LRRC74B: variants seen among roughly 807,000 people sequenced by gnomAD.
The protein encoded by LRRC74B is leucine rich repeat containing 74B, also known as leucine-rich repeat-containing protein 74B.
In LRRC74B, 30 loss-of-function variants were observed where a neutral mutation model predicts 16.6. That is an observed-to-expected ratio of 1.80 (90% confidence interval 1.35 to 2.45). LRRC74B has a LOEUF of 2.45. LRRC74B is among the 30% of genes most tolerant of loss of function. The pLI is 0.00. For synonymous variants in LRRC74B, 134 were observed against 86.0 expected (o/e 1.56, Z -3.09); for missense variants, 326 against 202.4 (o/e 1.61, Z -3.71).
exon 1 of LRRC74B, chr22:21,046,074 G>A (rs1235070059): frequency 3.1e-5 from 22 of 717,322 alleles, no homozygotes; most frequent in Non-Finnish European, 5.5e-5. Flanking sequence ...AGGGGTCCCC[G>A]AGGCCGAGCA....
At chr22:21,057,345 T>C (rs1379138492) in intron 8 of LRRC74B, 145 bp downstream of exon 8, 1 of 614,292 alleles carries the variant, frequency 1.6e-6, no homozygotes, top group Non-Finnish European at 2.9e-6. Flanking sequence ...GCAACGGGAC[T>C]TGAATGCAGG....
chr22:21,048,850 T>C (rs1929713459), intron 3 of LRRC74B, 101 bp from the exon 4 acceptor site: 1 of 656,268 alleles, frequency 1.5e-6, no homozygotes, highest in Non-Finnish European at 2.8e-6. Flanking sequence ...AACCTGTAAG[T>C]CCCCTTCCTC....
intron 4 of LRRC74B, among the ~76,000 whole-genome samples, chr22:21,051,661 C>A (rs911697349): frequency 6.6e-6 from 1 of 152,218 alleles, no homozygotes; most frequent in African/African-American, 2.4e-5. Flanking sequence ...CTTCCTAAGG[C>A]CCTCCCTGAC....
At chr22:21,058,535 A>G (rs1216411438) in intron 8 of LRRC74B, among the ~76,000 whole-genome samples, 6 of 152,006 alleles carry the variant, frequency 3.9e-5, no homozygotes, top group African/African-American at 1.2e-4. Flanking sequence ...GAAGGAAACA[A>G]AAAAAATTGA....
intron 4 of LRRC74B, among the ~76,000 whole-genome samples, chr22:21,049,879 C>T (rs751657033): frequency 1.3e-5 from 2 of 152,072 alleles, no homozygotes; most frequent in African/African-American, 4.8e-5. Context: ...CAGGAATTTG[C>T]ACTTCTACCT....
At chr22:21,048,276 C>G in intron 3 of LRRC74B, 1 of 479,592 alleles carries the variant, frequency 2.1e-6, no homozygotes, top group South Asian at 2.1e-5. Context: ...CCCTCTTCAC[C>G]TAGCACATGG....
chr22:21,060,445 A>T lies in LRRC74B; in HGVS notation c.1096A>T (p.Lys366Ter), dbSNP rs1465687113. The change falls in exon 9 of 9, where the codon AAG (lysine) becomes TAG (stop). Residue 366 changes from lysine (K) to a stop codon, truncating the protein, a stop_gained. Transcript: ENST00000442047. LOFTEE classifies it high-confidence loss of function. ...GGGAATTCTTCCAGAACTCTGCATAAAGACTGGCGCTTGCAGAGTGGAGTA... is the reference window on the plus strand; with the variant it reads ...GGGAATTCTTCCAGAACTCTGCATATAGACTGGCGCTTGCAGAGTGGAGTA... The T allele has an allele frequency of 1.4e-6, 1 of 716,992 alleles. No individual in the cohort carries two copies. 44.4% of individuals were successfully genotyped at this position (716,992 alleles called of 1,614,324 possible).
In LRRC74B at chr22:21,047,891, G is replaced by A. The variant is rs118099710; in HGVS notation, c.290G>A (p.Arg97Gln). 328 of 717,354 alleles carry A rather than the reference G, an allele frequency of 4.6e-4. 2 individuals are homozygous for A. In the East Asian group the frequency reaches 8.5e-3, roughly 19 times the overall value. 44.4% of individuals were successfully genotyped at this position (717,354 alleles called of 1,614,324 possible). The stretch of plus-strand genomic sequence containing the variant: ...TTGCTCTGTCTGTCCCAGGGCGCCC[G>A]GGCTCTGGCTTCCTCATTGAGCTCC... The change falls in exon 3 of 9, where the codon CGG becomes CAG. Residue 97 changes from arginine to glutamine, a missense_variant. Coordinates refer to ENST00000442047, the Ensembl canonical transcript of LRRC74B.
chr22:21,048,155 A>G, intron 3 of LRRC74B, 139 bp downstream of exon 3: 1 of 659,252 alleles, frequency 1.5e-6, no homozygotes, highest in Non-Finnish European at 2.8e-6. Flanking sequence ...TCATCACAGG[A>G]GGGGGCATGT....
chr22:21,048,677 A>G, intron 3 of LRRC74B: 1 of 466,996 alleles, frequency 2.1e-6, no homozygotes, highest in African/African-American at 1.9e-5. Context: ...GCAGCCATCG[A>G]CGGTATAGCT....
downstream of LRRC74B, chr22:21,062,661 C>T: frequency 7.0e-6 from 1 of 142,018 alleles, no homozygotes; most frequent in Non-Finnish European, 1.5e-5. Context: ...TGCAGTGAGC[C>T]AAGCTCACTT....
At chr22:21,053,542 T>G in intron 6 of LRRC74B, 67 bp downstream of exon 6, 1 of 686,736 alleles carries the variant, frequency 1.5e-6, no homozygotes, top group Non-Finnish European at 2.7e-6. Flanking sequence ...AAGCACACAG[T>G]CTACCCGTGA....
At chr22:21,052,639 C>G (rs1161385000) in intron 5 of LRRC74B, among the ~76,000 whole-genome samples, 1 of 148,752 alleles carries the variant, frequency 6.7e-6, no homozygotes, top group Non-Finnish European at 1.5e-5. Context: ...TCTGTGCAGT[C>G]TGGTGACACA....
intron 2 of LRRC74B, 126 bp downstream of exon 2, chr22:21,047,624 C>G (rs755841568): frequency 1.6e-6 from 1 of 630,180 alleles, no homozygotes; most frequent in Admixed American, 2.5e-5. Flanking sequence ...CATGCCCTAC[C>G]CTCCACATCT....
intron 5 of LRRC74B, among the ~76,000 whole-genome samples, chr22:21,052,629 T>C (rs1295036388): frequency 6.7e-6 from 1 of 148,270 alleles, no homozygotes; most frequent in African/African-American, 2.5e-5. Flanking sequence ...GGAAGGGACA[T>C]CTGTGCAGTC....
At chr22:21,061,374 G>A (rs1231383971), downstream of LRRC74B, among the ~76,000 whole-genome samples, 2 of 151,966 alleles carry the variant, frequency 1.3e-5, no homozygotes, top group Non-Finnish European at 2.9e-5. Flanking sequence ...AATTGGAAGT[G>A]TCCCCAATAA....
At chr22:21,048,428 A>T in intron 3 of LRRC74B, 1 of 276,304 alleles carries the variant, frequency 3.6e-6, no homozygotes, top group Non-Finnish European at 7.1e-6. Flanking sequence ...GAAGAGCTGG[A>T]TACCTGGGCA....
chr22:21,058,809 G>A (rs2148164878), intron 8 of LRRC74B, among the ~76,000 whole-genome samples: 1 of 152,306 alleles, frequency 6.6e-6, no homozygotes, highest in East Asian at 1.9e-4. Flanking sequence ...ACACTTACTT[G>A]TCACAATGTA....
chr22:21,053,449 C>T (rs769860566), exon 6 of LRRC74B: 4 of 717,192 alleles, frequency 5.6e-6, no homozygotes, highest in South Asian at 1.5e-5. Flanking sequence ...TGAAGGCCAA[C>T]AACGTGTTGG....
Sources: gnomAD v4.1 joint callset for allele counts (sites outside exome capture counted in the v4.1 genomes callset) on GRCh38, gnomAD v4.1.1 for gene constraint, MANE v1.5 for transcripts, NCBI Gene and HGNC (gene_info 2026-07-23, HGNC 2026-07-21) for gene names.